Variants in KCNMA1 observed in about 807,000 individuals in gnomAD.
The protein encoded by KCNMA1 is Calcium-activated potassium channel subunit alpha-1.
KCNMA1 carries 29 observed loss-of-function variants against 140.0 expected under a neutral mutation model. The ratio of observed to expected loss-of-function variants is 0.21; its 90% CI spans 0.15 to 0.28. The LOEUF is 0.28. Ranked by LOEUF, KCNMA1 falls within the 10% of genes least tolerant of loss-of-function variation. The probability of loss-of-function intolerance (pLI) is 1.00; values close to 1 mark genes in which losing one functional copy is unlikely to be tolerated. For missense variants in KCNMA1, 880 were observed against 1,602.2 expected, an observed-to-expected ratio of 0.55 and a Z score of 7.70; for synonymous variants, 612 against 611.9, an observed-to-expected ratio of 1.00 and a Z score of 0.00.
chr10:76,947,608 C>T (rs2152922600), intron 22 of KCNMA1, among the ~76,000 whole-genome samples: 1 of 152,312 alleles, frequency 6.6e-6, no homozygotes, highest in African/African-American at 2.4e-5. Flanking sequence ...CTGGAATGAG[C>T]AAAGCATATA....
intron 2 of KCNMA1, among the ~76,000 whole-genome samples, chr10:77,323,080 T>C (rs2082828137): frequency 6.6e-6 from 1 of 152,228 alleles, no homozygotes; most frequent in African/African-American, 2.4e-5. Context: ...CTTTCTATTC[T>C]AACACACTGC....
chr10:76,941,289 T>G (rs2062307571), intron 23 of KCNMA1, among the ~76,000 whole-genome samples: 1 of 152,186 alleles, frequency 6.6e-6, no homozygotes, highest in Non-Finnish European at 1.5e-5. Flanking sequence ...AGCTTGATCA[T>G]GCCAAATGCC....
chr10:77,187,134 G>T (rs2098872277), intron 3 of KCNMA1, among the ~76,000 whole-genome samples: 2 of 152,264 alleles, frequency 1.3e-5, no homozygotes, highest in South Asian at 2.1e-4. Flanking sequence ...GGTTAATTTG[G>T]TGGTAACCTA....
chr10:77,408,373 A>G (rs1241276016), intron 1 of KCNMA1, among the ~76,000 whole-genome samples: 1 of 151,992 alleles, frequency 6.6e-6, no homozygotes. Context: ...GAAATCACTG[A>G]GTGCGTGTGC....
intron 1 of KCNMA1, among the ~76,000 whole-genome samples, chr10:77,535,359 T>G (rs2058661423): frequency 2.0e-5 from 3 of 152,172 alleles, no homozygotes; most frequent in Admixed American, 6.5e-5. Context: ...TTCAGTTTTT[T>G]AAAAGACAGC....
chr10:77,053,021 G>A (rs1276693353), intron 14 of KCNMA1, among the ~76,000 whole-genome samples: 1 of 152,112 alleles, frequency 6.6e-6, no homozygotes, highest in Admixed American at 6.5e-5. Flanking sequence ...TCTATTTCTT[G>A]TTGCATTTCT....
At chr10:77,061,873 G>T (rs1299889967) in intron 14 of KCNMA1, among the ~76,000 whole-genome samples, 1 of 152,166 alleles carries the variant, frequency 6.6e-6, no homozygotes, top group Non-Finnish European at 1.5e-5. Flanking sequence ...GATGTCAAGG[G>T]AACTATGCTA....
intron 1 of KCNMA1, among the ~76,000 whole-genome samples, chr10:77,467,464 A>G (rs758295213): frequency 6.6e-6 from 1 of 152,230 alleles, no homozygotes; most frequent in Non-Finnish European, 1.5e-5. Context: ...CGATGATCCA[A>G]CAGGGTTCCA....
At chr10:77,489,169 T>C (rs1351885194) in intron 1 of KCNMA1, among the ~76,000 whole-genome samples, 2 of 152,140 alleles carry the variant, frequency 1.3e-5, no homozygotes, top group South Asian at 4.1e-4. Flanking sequence ...CCAGTTACAT[T>C]TGAAATTCAG....
At chr10:77,410,765 C>A (rs915065451) in intron 1 of KCNMA1, among the ~76,000 whole-genome samples, 1 of 152,202 alleles carries the variant, frequency 6.6e-6, no homozygotes, top group Non-Finnish European at 1.5e-5. Context: ...CCAGTCCCGT[C>A]TCGGGGCTGT....
chr10:76,917,034 C>T (rs1162627946), intron 23 of KCNMA1, among the ~76,000 whole-genome samples: 3 of 152,080 alleles, frequency 2.0e-5, no homozygotes, highest in Admixed American at 6.6e-5. Context: ...TTCAAACTTT[C>T]GAATATATGT....
chr10:77,508,223 G>C (rs1180496925), intron 1 of KCNMA1, among the ~76,000 whole-genome samples: 1 of 152,028 alleles, frequency 6.6e-6, no homozygotes, highest in Non-Finnish European at 1.5e-5. Context: ...TCACCCAGCC[G>C]GCAATGCAGT....
intron 23 of KCNMA1, among the ~76,000 whole-genome samples, chr10:76,926,555 T>C (rs1009009501): frequency 6.6e-6 from 1 of 152,198 alleles, no homozygotes; most frequent in Non-Finnish European, 1.5e-5. Flanking sequence ...CCTACCTCTC[T>C]GTGAGAATGT....
intron 20 of KCNMA1, among the ~76,000 whole-genome samples, chr10:76,960,613 G>GTTTT (rs1565204789): frequency 1.1e-5 from 1 of 94,990 alleles, no homozygotes; most frequent in African/African-American, 4.0e-5. Flanking sequence ...AGATATTATG[G>GTTTT]TTTTGTTTTT....
chr10:76,941,084 AGAGAAAGAAAGAAAGAAG>A (rs1292040508), intron 23 of KCNMA1, among the ~76,000 whole-genome samples: 1 of 123,636 alleles, frequency 8.1e-6, no homozygotes, highest in African/African-American at 3.7e-5. Context: ...AAAGAAAGAA[AGAGAAAGAAAGAAAGAAG>A]GGAGGGAGGG....
At chr10:77,253,334 C>T (rs1445431212) in intron 2 of KCNMA1, among the ~76,000 whole-genome samples, 1 of 152,226 alleles carries the variant, frequency 6.6e-6, no homozygotes, top group Admixed American at 6.5e-5. Context: ...CTATATAGGC[C>T]TATGCCACCC....
At chr10:76,875,407 T>A (rs2032192676), downstream of KCNMA1, 1 of 152,028 alleles carries the variant, frequency 6.6e-6, no homozygotes, top group African/African-American at 2.4e-5. Context: ...ATCCTAACTA[T>A]TATGATTTTT....
intron 1 of KCNMA1, among the ~76,000 whole-genome samples, chr10:77,585,478 A>G (rs994209789): frequency 2.6e-5 from 4 of 152,238 alleles, no homozygotes. Flanking sequence ...TTGGTTTTGT[A>G]CCAAGCTCTT....
chr10:77,625,381 A>T (rs1229416916), intron 1 of KCNMA1, among the ~76,000 whole-genome samples: 1 of 152,112 alleles, frequency 6.6e-6, no homozygotes. Flanking sequence ...ACTCTGCCAA[A>T]AAAAAAAGTA....
Sources: allele counts gnomAD v4.1 joint callset (sites outside exome capture counted in the v4.1 genomes callset), GRCh38; gene constraint gnomAD v4.1.1; transcripts MANE v1.5; gene names NCBI Gene and HGNC (gene_info 2026-07-23, HGNC 2026-07-21).